The following VEGFD variants were observed in gnomAD, a reference collection of about 807,000 sequenced individuals.
VEGFD encodes c-fos induced growth factor (vascular endothelial growth factor D).
Under a neutral mutation model 28.0 loss-of-function variants are expected in VEGFD, and 26 were observed. The ratio of observed to expected loss-of-function variants is 0.93; its 90% CI spans 0.68 to 1.29. The LOEUF is 1.29. VEGFD is among the 50% of genes most tolerant of loss of function. VEGFD has a pLI of 0.00. For synonymous variants in VEGFD, 93 were observed against 95.5 expected (o/e 0.97, Z 0.15); for missense variants, 294 against 273.4 (o/e 1.08, Z -0.53).
In VEGFD at chrX:15,347,293, T is replaced by G. The variant is rs1393845726; in HGVS notation, c.809A>C (p.Glu270Ala). The G allele has an allele frequency of 4.1e-6, 5 of 1,209,810 alleles. No homozygotes were observed. Among genetic ancestry groups the G allele is most frequent in the Non-Finnish European group, 5.6e-6 (5 of 895,077 alleles). ...PHMMFDEDRC[E>A]CVCKTPCPKD... ...GGGACATGGTGTTTTACAGACACAC[T>G]CGCAACGATCTTCGTCAAACATCAT... Residue 270 changes from glutamate (E) to alanine (A), a missense_variant, in exon 6 of 7, where the codon GAG becomes GCG. Physicochemically the swap from Glu to Ala is moderately radical, Grantham distance 107 (BLOSUM62 -1). Transcript: ENST00000297904.
rs1353398425 is a variant in VEGFD at position 15,363,117 on chromosome X, G to C, written c.293C>G (p.Thr98Arg). The change falls in exon 2 of 7, where the codon ACA (threonine) becomes AGA (arginine). Residue 98 changes from threonine to arginine, a missense_variant. Transcript: ENST00000297904. ...RFAATFYDIE[T>R]LKVIDEEWQR... ...CACATCCACACACCTACCTTTTAGTGTTTCAATGTCATAGAAAGTTGCCGC... is the reference window on the plus strand; with the variant it reads ...CACATCCACACACCTACCTTTTAGTCTTTCAATGTCATAGAAAGTTGCCGC... 2.5e-6 allele frequency: 3 copies of C among 1,207,907 alleles called. No homozygotes were observed. Among genetic ancestry groups the C allele is most frequent in the African/African-American group, 1.7e-5 (1 of 57,657 alleles).
intron 4 of VEGFD, 70 bp downstream of exon 4, chrX:15,355,080 C>A (rs1922828958): frequency 2.1e-6 from 2 of 942,339 alleles, no homozygotes; most frequent in Non-Finnish European, 2.8e-6. Context: ...ATGAAAAATC[C>A]TCTACACACA....
In VEGFD at chrX:15,384,080, C is replaced by G; in HGVS notation, c.-134G>C. On this transcript the variant is annotated 5_prime_UTR_variant, in exon 1 of 7. Coordinates refer to ENST00000297904, the MANE Select transcript of VEGFD (RefSeq NM_004469.5). ...CACACAGAAAACCAAATAATCAGTT[C>G]TGATCAAAATCCAATGAAATTATTT... The G allele has an allele frequency of 2.2e-6, 1 of 454,519 alleles. No individual in the cohort carries two copies. Among genetic ancestry groups the G allele is most frequent in the African/African-American group, 2.4e-5 (1 of 41,281 alleles). The allele number at this position is 454,519 out of a possible 1,213,427, so 37.5% of individuals were successfully genotyped here. A position where few individuals can be genotyped will look rare whatever the true frequency, so the allele number is the denominator to read the frequency against.
At chrX:15,361,266 C>T (rs1923006186) in intron 2 of VEGFD, among the ~76,000 whole-genome samples, 3 of 112,287 alleles carry the variant, frequency 2.7e-5, no homozygotes, top group African/African-American at 9.7e-5. Context: ...TCACCTCAGG[C>T]CTTCAGTCAG....
intron 4 of VEGFD, among the ~76,000 whole-genome samples, chrX:15,354,408 A>G (rs1322591163): frequency 3.6e-5 from 4 of 111,232 alleles, no homozygotes; most frequent in Non-Finnish European, 7.6e-5. Flanking sequence ...GTTCAATGTT[A>G]ACTAATCACC....
At position 15,353,143 on chromosome X, in the gene VEGFD, G is replaced by A. The variant is rs755910098; in HGVS notation, c.667C>T (p.Pro223Ser). The A allele has an allele frequency of 5.1e-6, 6 of 1,166,348 alleles. No homozygotes were observed. The highest frequency in any genetic ancestry group is 6.9e-6 in the Non-Finnish European group (6 of 866,997). ...TTGCTATCCCATAGCATGTCAATAG[G>A]ACAGAGTTTCTTGGAATGGGAACAG... ...DRCSHSKKLC[P>S]IDMLWDSNKC... is the part of the protein sequence containing the mutation. Residue 223 changes from proline (P) to serine (S), a missense_variant, in exon 5 of 7, where the codon CCT becomes TCT. By Grantham distance (74) the Pro-to-Ser change is moderately conservative (BLOSUM62 -1). Transcript: ENST00000297904.
Position 15,355,250 on chromosome X carries a change from C to T in VEGFD, c.541G>A (p.Val181Ile). 1 of 1,204,448 alleles carries T rather than the reference C, an allele frequency of 8.3e-7. No homozygotes were observed. Among genetic ancestry groups the T allele is most frequent in the Non-Finnish European group, 1.1e-6 (1 of 891,977 alleles). The change falls in exon 4 of 7, where the codon GTT (valine) becomes ATT (isoleucine). Residue 181 changes from valine to isoleucine, a missense_variant. Coordinates refer to ENST00000297904, the MANE Select transcript of VEGFD (RefSeq NM_004469.5). Reference protein sequence around the residue: ...PLTSVPELVPVKVANHTGCKC... With the variant: ...PLTSVPELVPIKVANHTGCKC... ...CAACCTGTATGATTGGCAACTTTAA[C>T]AGGCACTAATTCAGGTACTGATGTC... is the stretch of plus-strand genomic sequence containing the variant.
chrX:15,352,787 A>G (rs1040469873), intron 5 of VEGFD, among the ~76,000 whole-genome samples: 2 of 112,045 alleles, frequency 1.8e-5, no homozygotes, highest in African/African-American at 6.5e-5. Flanking sequence ...TGATGGACTT[A>G]CTATATGATT....
intron 1 of VEGFD, among the ~76,000 whole-genome samples, chrX:15,378,684 T>C (rs1923494294): frequency 8.9e-6 from 1 of 111,955 alleles, no homozygotes; most frequent in South Asian, 3.7e-4. Flanking sequence ...TAATAATTTA[T>C]ATATAACACA....
At chrX:15,380,659 C>A (rs745824890) in intron 1 of VEGFD, among the ~76,000 whole-genome samples, 1 of 113,074 alleles carries the variant, frequency 8.8e-6, no homozygotes, top group East Asian at 2.8e-4. Context: ...CTTTCCCCAG[C>A]ATCTTCAGAA....
chrX:15,357,579 C>T (rs765242265), intron 3 of VEGFD, among the ~76,000 whole-genome samples: 70 of 112,025 alleles, frequency 6.2e-4, no homozygotes, highest in African/African-American at 1.9e-3. Context: ...ATTCTGCCCA[C>T]AACCTTCATT....
chrX:15,361,867 TTTTG>T lies in VEGFD; in HGVS notation c.301+1238_301+1241del, dbSNP rs751496646. Among the ~76,000 whole-genome samples, 25 of 111,088 alleles carry T rather than the reference TTTTG, an allele frequency of 2.3e-4. 1 individual carries two copies. In the South Asian group the frequency reaches 9.5e-3, roughly 42 times the overall value. On this transcript the variant is annotated intron_variant, in intron 2 of 6. Transcript: ENST00000297904. ...TTCTTTGTTTTTTTGTTTTGTTTTG[TTTTG>T]TTTTTTTGTTTTTTAAGATGGAGTT...
At position 15,350,749 on chromosome X, in the gene VEGFD, CCTTT is replaced by C. The variant is rs1364702682; in HGVS notation, c.742+2315_742+2318del. Among the ~76,000 whole-genome samples, 32 of 108,391 alleles carry C rather than the reference CCTTT, an allele frequency of 3.0e-4. No homozygotes were observed. In the East Asian group the frequency reaches 6.3e-3, roughly 21 times the overall value. The allele number at this position is 108,391 out of a possible 115,157, so 94.1% of individuals were successfully genotyped here. On this transcript the variant is annotated intron_variant, in intron 5 of 6. Coordinates refer to ENST00000297904, the MANE Select transcript of VEGFD (RefSeq NM_004469.5). ...TCTTTCTTTCTATCCTTCCTTCCTTCCTTTCTTTTTCTTTCTTTTCTTTCTTTCT... is the reference window on the plus strand; with the variant it reads ...TCTTTCTTTCTATCCTTCCTTCCTTCCTTTTTCTTTCTTTTCTTTCTTTCT...
intron 1 of VEGFD, among the ~76,000 whole-genome samples, chrX:15,380,433 A>G (rs116508950): frequency 0.014 from 1,625 of 112,805 alleles, 27 homozygotes; most frequent in African/African-American, 0.049. Flanking sequence ...CTAGTCTTAC[A>G]CAGAATGTGA....
rs1367841688 is a variant in VEGFD, at chrX:15,347,243, T to G, written c.859A>C (p.Asn287His). The change falls in exon 6 of 7, where the codon AAC (asparagine) becomes CAC (histidine). Residue 287 changes from asparagine to histidine, a missense_variant. By Grantham distance (68) the Asn-to-His change is moderately conservative. Coordinates refer to ENST00000297904, the MANE Select transcript of VEGFD (RefSeq NM_004469.5). ...CPKDLIQHPK[N>H]CSCFECKESL... ...TCTTTGCACTCAAAGCAACTGCAGT[T>G]TTTGGGGTGCTGGATTAGATCTTTG... 1 of 1,209,916 alleles carries G rather than the reference T, an allele frequency of 8.3e-7. No individual in the cohort carries two copies. The highest frequency in any genetic ancestry group is 1.7e-5 in the African/African-American group (1 of 57,207).
chrX:15,348,837 C>T, intron 5 of VEGFD, among the ~76,000 whole-genome samples: 1 of 112,358 alleles, frequency 8.9e-6, no homozygotes, highest in East Asian at 2.8e-4. Context: ...ATAAAATAGG[C>T]ACTCGATGGA....
chrX:15,377,693 G>C (rs750005534), intron 1 of VEGFD, among the ~76,000 whole-genome samples: 9 of 111,590 alleles, frequency 8.1e-5, no homozygotes, highest in Non-Finnish European at 1.7e-4. Flanking sequence ...TGGCTAGATG[G>C]GGCAGTGGGT....
At chrX:15,357,934 G>A in intron 3 of VEGFD, 69 bp downstream of exon 3, 1 of 926,438 alleles carries the variant, frequency 1.1e-6, no homozygotes, top group Non-Finnish European at 1.5e-6. Context: ...TAGCAACAAG[G>A]TTGTTGTAGC....
intron 5 of VEGFD, among the ~76,000 whole-genome samples, chrX:15,350,276 C>G (rs1327828120): frequency 1.8e-5 from 2 of 111,614 alleles, no homozygotes; most frequent in Non-Finnish European, 3.8e-5. Context: ...TATGTTCTCT[C>G]ACCTCCAGCC....
Sources: gnomAD v4.1 joint callset for allele counts (sites outside exome capture counted in the v4.1 genomes callset) on GRCh38, gnomAD v4.1.1 for gene constraint, MANE v1.5 for transcripts, NCBI Gene and HGNC (gene_info 2026-07-23, HGNC 2026-07-21) for gene names.